Variants in SLIT3 observed in about 807,000 individuals in gnomAD.
SLIT3 encodes slit homolog 3 protein.
A neutral mutation model predicts 184.0 loss-of-function variants in SLIT3; 68 were observed. That is an observed-to-expected ratio of 0.37 (90% CI 0.30 to 0.45). The LOEUF (loss-of-function observed/expected upper bound fraction) is 0.45. SLIT3 is among the 20% of genes least tolerant of loss of function. The pLI is 1.00. For missense variants in SLIT3, 1,707 were observed against 2,026.0 expected, an observed-to-expected ratio of 0.84 and a Z score of 3.02; for synonymous variants, 831 against 828.6, an observed-to-expected ratio of 1.00 and a Z score of -0.05.
intron 3 of SLIT3, among the ~76,000 whole-genome samples, chr5:169,202,845 C>T (rs567324195): frequency 2.1e-5 from 3 of 139,792 alleles, no homozygotes; most frequent in Admixed American, 1.5e-4. Context: ...TTTGACCTTT[C>T]CTGTACCTCA....
intron 9 of SLIT3, among the ~76,000 whole-genome samples, chr5:168,798,740 A>C (rs1756664792): frequency 6.6e-6 from 1 of 152,140 alleles, no homozygotes; most frequent in Admixed American, 6.5e-5. Context: ...GGATAACCAT[A>C]ACCACCACTA....
chr5:169,046,423 A>G (rs1228857246), intron 4 of SLIT3, among the ~76,000 whole-genome samples: 1 of 152,224 alleles, frequency 6.6e-6, no homozygotes, highest in Non-Finnish European at 1.5e-5. Flanking sequence ...ACATTGCTTT[A>G]AAAGCAAGTC....
chr5:168,690,788 T>C (rs992602571), intron 29 of SLIT3, among the ~76,000 whole-genome samples: 2 of 63,658 alleles, frequency 3.1e-5, no homozygotes, highest in African/African-American at 1.7e-4. Context: ...GAAGCTTCAT[T>C]TGGTCTCATT....
At chr5:169,017,120 C>T (rs1054110218) in intron 4 of SLIT3, among the ~76,000 whole-genome samples, 1 of 152,180 alleles carries the variant, frequency 6.6e-6, no homozygotes, top group Non-Finnish European at 1.5e-5. Context: ...GTCCTGTAGT[C>T]CGCCTTTAAA....
chr5:168,936,761 G>A (rs535714487), intron 4 of SLIT3, among the ~76,000 whole-genome samples: 5 of 152,252 alleles, frequency 3.3e-5, no homozygotes, highest in East Asian at 3.9e-4. Flanking sequence ...GGTGGTTGGC[G>A]TTCAGTGAAG....
chr5:168,804,415 T>C (rs1756886832), intron 9 of SLIT3, among the ~76,000 whole-genome samples: 1 of 149,792 alleles, frequency 6.7e-6, no homozygotes, highest in African/African-American at 2.5e-5. Flanking sequence ...GAGGGAGATA[T>C]TTAAAGTAAA....
intron 4 of SLIT3, among the ~76,000 whole-genome samples, chr5:169,000,115 T>C (rs1212103414): frequency 6.6e-6 from 1 of 151,982 alleles, no homozygotes; most frequent in East Asian, 1.9e-4. Context: ...TATTAAGAAG[T>C]TATGGCCGGG....
intron 4 of SLIT3, among the ~76,000 whole-genome samples, chr5:169,104,292 T>C (rs1760121686): frequency 6.6e-6 from 1 of 152,272 alleles, no homozygotes; most frequent in South Asian, 2.1e-4. Flanking sequence ...GCCTCAGTGA[T>C]GGAAAATGCC....
chr5:168,793,800 T>TGG (rs11323030), intron 10 of SLIT3, among the ~76,000 whole-genome samples: 19 of 149,120 alleles, frequency 1.3e-4, no homozygotes, highest in African/African-American at 4.7e-4. Context: ...AAAAATGAAT[T>TGG]GGGGGGGGGG....
chr5:168,898,804 A>T (rs1760773495), intron 4 of SLIT3, among the ~76,000 whole-genome samples: 1 of 152,084 alleles, frequency 6.6e-6, no homozygotes, highest in Admixed American at 6.5e-5. Context: ...GTCTCACACC[A>T]TTGAACCTGC....
chr5:169,086,190 A>G (rs952633497), intron 4 of SLIT3, among the ~76,000 whole-genome samples: 6 of 152,234 alleles, frequency 3.9e-5, no homozygotes, highest in Admixed American at 3.3e-4. Flanking sequence ...AGGGTTACAT[A>G]GGCTAACCAC....
chr5:169,060,419 A>G (rs904724453), intron 4 of SLIT3, among the ~76,000 whole-genome samples: 4 of 139,050 alleles, frequency 2.9e-5, no homozygotes, highest in African/African-American at 1.1e-4. Flanking sequence ...AACAAACAAA[A>G]AACACTGAGA....
chr5:168,877,282 G>T (rs780823542), intron 5 of SLIT3, among the ~76,000 whole-genome samples: 9 of 152,198 alleles, frequency 5.9e-5, no homozygotes, highest in Non-Finnish European at 8.8e-5. Context: ...GGGATGTGAA[G>T]GATCAGAAGG....
chr5:168,885,208 T>C (rs1280802507), intron 4 of SLIT3, among the ~76,000 whole-genome samples: 2 of 152,138 alleles, frequency 1.3e-5, no homozygotes, highest in East Asian at 3.9e-4. Flanking sequence ...CAAGGCTGAC[T>C]TGGGGTAGAG....
intron 5 of SLIT3, among the ~76,000 whole-genome samples, chr5:168,869,959 C>T (rs758380309): frequency 6.6e-6 from 1 of 152,224 alleles, no homozygotes; most frequent in Non-Finnish European, 1.5e-5. Flanking sequence ...CACATCGTAA[C>T]ACATCCATTT....
intron 4 of SLIT3, among the ~76,000 whole-genome samples, chr5:169,059,833 C>T (rs1261303120): frequency 1.3e-5 from 2 of 152,142 alleles, no homozygotes; most frequent in Admixed American, 6.5e-5. Context: ...TGTTTGAGTT[C>T]CCCTCAAATT....
chr5:168,772,559 C>T (rs1307067950), intron 14 of SLIT3: 6 of 552,060 alleles, frequency 1.1e-5, no homozygotes, highest in Admixed American at 3.5e-5. Flanking sequence ...CTCCTCCTCC[C>T]CATGCTTTTA....
chr5:168,838,919 A>G (rs1324053518), intron 6 of SLIT3, among the ~76,000 whole-genome samples: 1 of 152,132 alleles, frequency 6.6e-6, no homozygotes, highest in Non-Finnish European at 1.5e-5. Flanking sequence ...TGGTGGCCTC[A>G]GTACACCAGT....
chr5:168,793,721 T>C (rs187965619), intron 10 of SLIT3, among the ~76,000 whole-genome samples: 20 of 152,048 alleles, frequency 1.3e-4, no homozygotes, highest in African/African-American at 3.4e-4. Flanking sequence ...AGATATAGGT[T>C]GGGGCAGTGA....
Sources: gnomAD v4.1 joint callset for allele counts (sites outside exome capture counted in the v4.1 genomes callset) on GRCh38, gnomAD v4.1.1 for gene constraint, MANE v1.5 for transcripts, NCBI Gene and HGNC (gene_info 2026-07-23, HGNC 2026-07-21) for gene names.